The following DPP6 variants were observed in gnomAD, a reference collection of about 807,000 sequenced individuals.
DPP6 encodes the protein A-type potassium channel modulatory protein DPP6.
A neutral mutation model predicts 122.6 loss-of-function variants in DPP6; 69 were observed. That is an observed-to-expected ratio of 0.56 (90% confidence interval 0.46 to 0.69). DPP6 has a LOEUF of 0.69. Ranked by LOEUF, DPP6 falls within the 30% of genes least tolerant of loss-of-function variation. The probability of loss-of-function intolerance (pLI) is 0.00; values close to 1 mark genes in which losing one functional copy is unlikely to be tolerated. For synonymous variants in DPP6, 418 were observed against 433.1 expected (o/e 0.97, Z 0.43); for missense variants, 928 against 1,116.9 (o/e 0.83, Z 2.41).
rs188737295 is a variant in DPP6, at chr7:154,391,747, T to C, written c.244-54467T>C. ...TCTTCCCAATGGTGAGGATAAAGTG[T>C]GGGTGCTGATGAAGGCAGGATAGTG... On this transcript the variant is annotated intron_variant, in intron 1 of 25. Transcript: ENST00000377770. Among the ~76,000 whole-genome samples, 415 of 152,266 alleles carry C rather than the reference T, an allele frequency of 2.7e-3. 9 individuals carry two copies. Among genetic ancestry groups the C allele is most frequent in the Admixed American group, 0.025 (379 of 15,282 alleles).
intron 1 of DPP6, among the ~76,000 whole-genome samples, chr7:154,236,446 G>A (rs548765966): frequency 4.6e-5 from 7 of 152,160 alleles, no homozygotes; most frequent in East Asian, 1.9e-4. Flanking sequence ...ATAATTTTAC[G>A]CAACAAAAAT....
chr7:154,037,240 G>T (rs147106712), intron 1 of DPP6, among the ~76,000 whole-genome samples: 2,914 of 152,006 alleles, frequency 0.019, no homozygotes, highest in African/African-American at 0.066. Flanking sequence ...CGAGGCACAT[G>T]GGAGAAAAGA....
At chr7:154,744,611 T>A (rs1842956850) in intron 8 of DPP6, among the ~76,000 whole-genome samples, 1 of 152,260 alleles carries the variant, frequency 6.6e-6, no homozygotes, top group Non-Finnish European at 1.5e-5. Context: ...TCTGGCTTGA[T>A]GTTCGCTGAT....
chr7:154,454,598 G>A (rs1043949322), intron 2 of DPP6, among the ~76,000 whole-genome samples: 1 of 152,086 alleles, frequency 6.6e-6, no homozygotes, highest in Non-Finnish European at 1.5e-5. Context: ...GTTGTGGAGG[G>A]GCCAGGTGTG....
the DPP6 span, among the ~76,000 whole-genome samples, chr7:153,758,324 T>C: frequency 0.03 from 4,504 of 152,250 alleles, 87 homozygotes; most frequent in African/African-American, 0.097. Context: ...TTGAAAAAGA[T>C]ATTGCAAACA....
At chr7:154,384,765 G>A (rs73726835) in intron 1 of DPP6, among the ~76,000 whole-genome samples, 13,493 of 142,546 alleles carry the variant, frequency 0.095, 746 homozygotes, top group African/African-American at 0.14. Flanking sequence ...ACAGAGTCTC[G>A]CTCTGTCGCC....
intron 3 of DPP6, among the ~76,000 whole-genome samples, chr7:154,482,774 A>C (rs1823421150): frequency 6.6e-6 from 1 of 152,176 alleles, no homozygotes; most frequent in Non-Finnish European, 1.5e-5. Flanking sequence ...AGGAAGTGGC[A>C]GGTGTAAAAA....
At chr7:154,617,920 C>A (rs986894066) in intron 5 of DPP6, among the ~76,000 whole-genome samples, 1 of 151,698 alleles carries the variant, frequency 6.6e-6, no homozygotes, top group Non-Finnish European at 1.5e-5. Context: ...GAAAACTTGA[C>A]CCAGAGTGGC....
At chr7:153,778,617 A>G in the DPP6 span, among the ~76,000 whole-genome samples, 13 of 151,238 alleles carry the variant, frequency 8.6e-5, no homozygotes, top group Non-Finnish European at 1.8e-4. Context: ...AAGAGAAAGA[A>G]TAGTTTCACC....
At chr7:154,090,018 A>G (rs1804694380) in intron 1 of DPP6, among the ~76,000 whole-genome samples, 1 of 152,222 alleles carries the variant, frequency 6.6e-6, no homozygotes, top group South Asian at 2.1e-4. Flanking sequence ...TATAAGAAAG[A>G]CAACATCCTT....
At chr7:154,568,137 G>A (rs1053637872) in intron 5 of DPP6, among the ~76,000 whole-genome samples, 1 of 152,164 alleles carries the variant, frequency 6.6e-6, no homozygotes, top group African/African-American at 2.4e-5. Flanking sequence ...GCATTACCTA[G>A]ACACAGCCTT....
chr7:154,451,518 C>A (rs1014324553), intron 2 of DPP6, among the ~76,000 whole-genome samples: 1 of 152,208 alleles, frequency 6.6e-6, no homozygotes, highest in South Asian at 2.1e-4. Context: ...GTCTTCTCCA[C>A]GCACAGGGAG....
At chr7:153,853,847 T>A in the DPP6 span, among the ~76,000 whole-genome samples, 1 of 151,780 alleles carries the variant, frequency 6.6e-6, no homozygotes, top group African/African-American at 2.4e-5. Flanking sequence ...CTCTTTAGTT[T>A]AATTAGATCC....
intron 5 of DPP6, among the ~76,000 whole-genome samples, chr7:154,623,354 A>C (rs1434469107): frequency 2.0e-5 from 3 of 152,220 alleles, no homozygotes; most frequent in African/African-American, 7.2e-5. Flanking sequence ...TTCCCTGGGC[A>C]GTCAGTGGTG....
chr7:153,905,597 G>A (rs1799816029), intron 1 of DPP6, among the ~76,000 whole-genome samples: 1 of 151,192 alleles, frequency 6.6e-6, no homozygotes, highest in Non-Finnish European at 1.5e-5. Context: ...TTCTTAAAGG[G>A]GATAAAATGA....
At chr7:154,081,493 C>T (rs1445166409) in intron 1 of DPP6, among the ~76,000 whole-genome samples, 4 of 138,848 alleles carry the variant, frequency 2.9e-5, no homozygotes, top group Non-Finnish European at 6.3e-5. Context: ...GACATGTAGT[C>T]ACCCTTTCCT....
At chr7:153,883,571 G>T (rs1426555641), upstream of DPP6, among the ~76,000 whole-genome samples, 1 of 152,116 alleles carries the variant, frequency 6.6e-6, no homozygotes, top group Admixed American at 6.5e-5. Flanking sequence ...GTAGAGACGG[G>T]ATTTTACCAT....
intron 1 of DPP6, among the ~76,000 whole-genome samples, chr7:154,142,097 G>A (rs187949907): frequency 1.0e-3 from 154 of 152,134 alleles, no homozygotes; most frequent in African/African-American, 3.4e-3. Context: ...GAAAGATATC[G>A]TACTCCCAGG....
chr7:154,798,740 A>G (rs1371264673), intron 12 of DPP6, among the ~76,000 whole-genome samples: 1 of 152,238 alleles, frequency 6.6e-6, no homozygotes, highest in African/African-American at 2.4e-5. Context: ...TTGCAGCTCC[A>G]TGGTCTGCAG....
Sources: allele counts gnomAD v4.1 joint callset (sites outside exome capture counted in the v4.1 genomes callset), GRCh38; gene constraint gnomAD v4.1.1; transcripts MANE v1.5; gene names NCBI Gene and HGNC (gene_info 2026-07-23, HGNC 2026-07-21).